The following ARFGAP3 variants were observed in gnomAD, a reference collection of about 807,000 sequenced individuals.
ARFGAP3 encodes ARF GTPase activating protein 3.
Under a neutral mutation model 75.0 loss-of-function variants are expected in ARFGAP3, and 72 were observed. The ratio of observed to expected loss-of-function variants is 0.96; its 90% CI spans 0.79 to 1.17. The LOEUF (loss-of-function observed/expected upper bound fraction) is 1.17. Among genes scored for constraint, ARFGAP3 ranks in the 50% most tolerant of loss-of-function variants. ARFGAP3 has a pLI of 0.00. For synonymous variants in ARFGAP3, 221 were observed against 217.9 expected, an observed-to-expected ratio of 1.01 and a Z score of -0.13; for missense variants, 620 against 626.6, an observed-to-expected ratio of 0.99 and a Z score of 0.11.
Position 42,822,399 on chromosome 22 carries a change from T to G in ARFGAP3, c.683A>C (p.Lys228Thr), listed in dbSNP as rs1925851577. ...TTTCTGAGCTCCCAAACTTCCTTTTTTGGCCCCAAGCTAGAACATATATAA... is the reference window on the plus strand; with the variant it reads ...TTTCTGAGCTCCCAAACTTCCTTTTGTGGCCCCAAGCTAGAACATATATAA... The part of the protein sequence containing the change: ...PNQAKKGLGA[K>T]KGSLGAQKLA... The change falls in exon 9 of 16, where the codon AAA becomes ACA. Residue 228 changes from lysine (K) to threonine (T), a missense_variant. By Grantham distance (78) the Lys-to-Thr change is moderately conservative (BLOSUM62 -1). Coordinates refer to ENST00000263245, the MANE Select transcript of ARFGAP3 (RefSeq NM_014570.5). 1 of 1,613,962 alleles carries G rather than the reference T, an allele frequency of 6.2e-7. No individual in the cohort carries two copies. The highest frequency in any genetic ancestry group is 8.5e-7 in the Non-Finnish European group (1 of 1,180,006).
At chr22:42,823,077 T>G (rs554785334) in intron 8 of ARFGAP3, among the ~76,000 whole-genome samples, 1 of 152,148 alleles carries the variant, frequency 6.6e-6, no homozygotes. Flanking sequence ...CCCAAAGTGC[T>G]GGGATTACAG....
Position 42,817,767 on chromosome 22 carries a change from G to A in ARFGAP3, c.903C>T (p.Asp301=), listed in dbSNP as rs774941819. 6 of 1,613,360 alleles carry A rather than the reference G, an allele frequency of 3.7e-6. No homozygotes were observed. The Admixed American group carries it at 6.7e-5, about 18-fold the overall frequency. Residue 301 remains aspartate (D), a synonymous_variant, in exon 10 of 16, where the codon GAC becomes GAT. Coordinates refer to ENST00000263245, the MANE Select transcript of ARFGAP3 (RefSeq NM_014570.5). ...CAAATCCCATGCCGAGTCTGTCTGA[G>A]TCAACATTTTTTTTGCCACTAATGT... The part of the protein sequence containing the change: ...KMNISGKKNV[D]SDRLGMGFGN...
intron 11 of ARFGAP3, among the ~76,000 whole-genome samples, chr22:42,812,046 T>C (rs369790688): frequency 6.6e-6 from 1 of 151,046 alleles, no homozygotes; most frequent in East Asian, 1.9e-4. Context: ...AATAAACAAA[T>C]AAAATAACCG....
intron 11 of ARFGAP3, 87 bp downstream of exon 11, chr22:42,817,055 A>G: frequency 1.0e-6 from 1 of 960,622 alleles, no homozygotes. Context: ...TTGATTTGTA[A>G]TTTCTCCTAA....
intron 3 of ARFGAP3, among the ~76,000 whole-genome samples, chr22:42,838,614 T>A (rs958868152): frequency 2.0e-5 from 3 of 151,942 alleles, no homozygotes; most frequent in Admixed American, 1.3e-4. Flanking sequence ...TTATTTGAAA[T>A]GCATACAAAT....
At chr22:42,829,548 G>GA (rs933561117) in intron 6 of ARFGAP3, among the ~76,000 whole-genome samples, 16 of 50,454 alleles carry the variant, frequency 3.2e-4, no homozygotes, top group African/African-American at 9.2e-4. Context: ...AAAGAATGTG[G>GA]AAAAAAAAAA....
chr22:42,797,841 C>A (rs9611908), intron 15 of ARFGAP3: 2 of 674,310 alleles, frequency 3.0e-6, no homozygotes, highest in East Asian at 1.4e-4. Flanking sequence ...CTGGCATCCA[C>A]GGCCACAGTC....
At chr22:42,802,273 C>T (rs1486118902) in intron 14 of ARFGAP3, among the ~76,000 whole-genome samples, 1 of 151,270 alleles carries the variant, frequency 6.6e-6, no homozygotes, top group African/African-American at 2.4e-5. Context: ...AACTCCCAGG[C>T]TCCTCAAAAT....
chr22:42,829,258 G>A lies in ARFGAP3; in HGVS notation c.566-2259C>T, dbSNP rs76069271. ...AAGAAACGCAGTAATTTCCAGAACT[G>A]GTGTTTGCTATGCTATGAGGAAGAA... On this transcript the variant is annotated intron_variant, in intron 6 of 15. Coordinates refer to ENST00000263245, the MANE Select transcript of ARFGAP3 (RefSeq NM_014570.5). Among the ~76,000 whole-genome samples the A allele has an allele frequency of 4.7e-3, 712 of 152,276 alleles. 1 individual carries two copies. Among genetic ancestry groups the A allele is most frequent in the African/African-American group, 0.015 (624 of 41,568 alleles).
rs1927051892 is a variant in ARFGAP3, at chr22:42,847,045, C to G, written c.188+469G>C. 2.0e-5 allele frequency among the ~76,000 whole-genome samples: 3 copies of G among 152,316 alleles called. No homozygotes were observed. The South Asian group carries it at 6.2e-4, about 32-fold the overall frequency. On this transcript the variant is annotated intron_variant, in intron 2 of 15. Transcript: ENST00000263245. Reference sequence around the variant, plus strand: ...GAGCGTGCTAGCTCAGGTCTCTCCTCCTTTTCCTATAAAGCCGCTTACATG... The same window carrying G: ...GAGCGTGCTAGCTCAGGTCTCTCCTGCTTTTCCTATAAAGCCGCTTACATG...
chr22:42,847,225 C>T lies in ARFGAP3; in HGVS notation c.188+289G>A, dbSNP rs117608236. ...CTCTGTCGCCCAGGCTGGAATGCAG[C>T]GGCAAGATCATAGTTCACTGCAGCC... On this transcript the variant is annotated intron_variant, in intron 2 of 15. Transcript: ENST00000263245. The T allele has an allele frequency of 6.0e-5, 15 of 249,628 alleles. No homozygotes were observed. The Admixed American group carries it at 6.9e-4, about 11-fold the overall frequency. The allele number at this position is 249,628 out of a possible 1,614,324, so 15.5% of individuals were successfully genotyped here.
intron 10 of ARFGAP3, 140 bp downstream of exon 10, chr22:42,817,589 A>G (rs1204581070): frequency 1.1e-5 from 9 of 838,906 alleles, no homozygotes; most frequent in Admixed American, 2.6e-5. Flanking sequence ...TGAATACCAG[A>G]GCAAAGCAAA....
At chr22:42,801,586 C>T (rs371054920) in intron 14 of ARFGAP3, among the ~76,000 whole-genome samples, 150 of 152,344 alleles carry the variant, frequency 9.8e-4, no homozygotes, top group African/African-American at 3.3e-3. Context: ...GAACACATCG[C>T]CCCTGCAGCC....
intron 1 of ARFGAP3, chr22:42,853,263 T>C (rs1011600722): frequency 6.5e-6 from 1 of 153,768 alleles, no homozygotes; most frequent in Non-Finnish European, 1.5e-5. Flanking sequence ...CATACAATCA[T>C]TCCACTGGTG....
rs140517097 is a variant in ARFGAP3 at position 42,825,242 on chromosome 22, G to A, written c.626-1540C>T. Among the ~76,000 whole-genome samples the A allele has an allele frequency of 2.4e-4, 37 of 152,232 alleles. No homozygotes were observed. In the East Asian group the frequency reaches 4.6e-3, roughly 19 times the overall value. On this transcript the variant is annotated intron_variant, in intron 7 of 15. Transcript: ENST00000263245. ...TGCACTCCAGCATGGGCAATAAAGCGAGACTCTAGCTCAAAAAAGTAATAA... is the reference window on the plus strand; with the variant it reads ...TGCACTCCAGCATGGGCAATAAAGCAAGACTCTAGCTCAAAAAAGTAATAA...
Position 42,797,257 on chromosome 22 carries a change from A to G in ARFGAP3, c.*331T>C. The G allele has an allele frequency of 6.3e-6, 2 of 319,118 alleles. No homozygotes were observed. The highest frequency in any genetic ancestry group is 1.2e-5 in the Non-Finnish European group (2 of 172,364). 19.8% of individuals were successfully genotyped at this position (319,118 alleles called of 1,614,324 possible). On this transcript the variant is annotated 3_prime_UTR_variant, in exon 16 of 16. Coordinates refer to ENST00000263245, the MANE Select transcript of ARFGAP3 (RefSeq NM_014570.5). ...ATGGAGACCTCTCCTCCTCCCCCAC[A>G]TGAAGCCTCCTGGTTCAGGAGCAGG...
At chr22:42,843,646 C>G (rs1926880741) in intron 2 of ARFGAP3, among the ~76,000 whole-genome samples, 1 of 152,228 alleles carries the variant, frequency 6.6e-6, no homozygotes, top group Admixed American at 6.5e-5. Context: ...TAGTTTCCAT[C>G]TCTCATGCAT....
At chr22:42,827,051 G>T (rs763880298) in intron 6 of ARFGAP3, 52 bp from the exon 7 acceptor site, 12 of 1,600,966 alleles carry the variant, frequency 7.5e-6, no homozygotes, top group Non-Finnish European at 1.0e-5. Context: ...CAGCTAACTT[G>T]CTTTTGAATA....
Position 42,810,815 on chromosome 22 carries a change from G to T in ARFGAP3, c.1194C>A (p.Asp398Glu). ...ACCCCACAGTTTTGCATTCATACCT[G>T]TCTGAATAGCCTGTGGTTTTCAGAA... is the stretch of plus-strand genomic sequence containing the variant. ...ETVLKTTGYSDRPTARRKPDY... is the reference protein window; with the variant it reads ...ETVLKTTGYSERPTARRKPDY... The change falls in exon 12 of 16, where the codon GAC becomes GAA. Residue 398 changes from aspartate to glutamate, a missense_variant and splice_region_variant. By Grantham distance (45) the Asp-to-Glu change is conservative (BLOSUM62 2). Coordinates refer to ENST00000263245, the MANE Select transcript of ARFGAP3 (RefSeq NM_014570.5). 6.2e-7 allele frequency: 1 copy of T among 1,613,210 alleles called. No homozygotes were observed. The highest frequency in any genetic ancestry group is 8.5e-7 in the Non-Finnish European group (1 of 1,179,340).
Sources: gnomAD v4.1 joint callset for allele counts (sites outside exome capture counted in the v4.1 genomes callset) on GRCh38, gnomAD v4.1.1 for gene constraint, MANE v1.5 for transcripts, NCBI Gene and HGNC (gene_info 2026-07-23, HGNC 2026-07-21) for gene names.